Variants in TAFA1 observed in about 807,000 individuals in gnomAD.
TAFA1 encodes TAFA chemokine like family member 1.
Under a neutral mutation model 18.5 loss-of-function variants are expected in TAFA1, and 4 were observed. The ratio of observed to expected loss-of-function variants is 0.22; its 90% CI spans 0.11 to 0.49. TAFA1 has a LOEUF of 0.49. TAFA1 is among the 20% of genes least tolerant of loss of function. The pLI is 0.98. For missense variants in TAFA1, 147 were observed against 169.0 expected, an observed-to-expected ratio of 0.87 and a Z score of 0.72; for synonymous variants, 56 against 55.2, an observed-to-expected ratio of 1.01 and a Z score of -0.06.
chr3:68,415,262 C>T (rs534759319), intron 2 of TAFA1, among the ~76,000 whole-genome samples: 4 of 152,284 alleles, frequency 2.6e-5, no homozygotes, highest in Admixed American at 6.5e-5. Flanking sequence ...CCACACCAGT[C>T]CTTTGTTCCA....
chr3:68,217,036 GA>G (rs2066668511), intron 2 of TAFA1, among the ~76,000 whole-genome samples: 1 of 152,048 alleles, frequency 6.6e-6, no homozygotes, highest in Non-Finnish European at 1.5e-5. Context: ...CTTTAAGTAT[GA>G]ATTCTGCATT....
chr3:68,337,042 T>G (rs1228353348), intron 2 of TAFA1, among the ~76,000 whole-genome samples: 2 of 152,168 alleles, frequency 1.3e-5, no homozygotes, highest in Non-Finnish European at 2.9e-5. Flanking sequence ...ACAATTTAGA[T>G]TAGTTGGAGT....
At chr3:68,028,562 A>G (rs1399184550) in intron 2 of TAFA1, among the ~76,000 whole-genome samples, 1 of 152,116 alleles carries the variant, frequency 6.6e-6, no homozygotes, top group Non-Finnish European at 1.5e-5. Context: ...TCAAGGTGTC[A>G]GCAGGGCTAC....
chr3:68,028,331 A>AAAAT (rs1559708596), intron 2 of TAFA1, among the ~76,000 whole-genome samples: 2 of 152,020 alleles, frequency 1.3e-5, no homozygotes, highest in Non-Finnish European at 1.5e-5. Context: ...AAAACAAAAA[A>AAAAT]GTATATATAT....
At chr3:68,042,372 G>T (rs572619967) in intron 2 of TAFA1, among the ~76,000 whole-genome samples, 100 of 152,244 alleles carry the variant, frequency 6.6e-4, no homozygotes, top group African/African-American at 2.4e-3. Context: ...ATATATTGCT[G>T]GGCACAGTGG....
intron 2 of TAFA1, among the ~76,000 whole-genome samples, chr3:68,210,686 C>A (rs2066585950): frequency 6.6e-6 from 1 of 152,058 alleles, no homozygotes; most frequent in Non-Finnish European, 1.5e-5. Flanking sequence ...GTTGCTGCTA[C>A]TACTGATGCA....
At chr3:68,225,588 A>T (rs1392049906) in intron 2 of TAFA1, among the ~76,000 whole-genome samples, 1 of 152,110 alleles carries the variant, frequency 6.6e-6, no homozygotes, top group African/African-American at 2.4e-5. Context: ...TTTCCTGAGC[A>T]CTTACTATGT....
intron 2 of TAFA1, among the ~76,000 whole-genome samples, chr3:68,283,363 T>C (rs532784402): frequency 6.6e-6 from 1 of 152,340 alleles, no homozygotes; most frequent in South Asian, 2.1e-4. Context: ...TATGTATTAC[T>C]GTTTTGGATT....
chr3:68,531,070 A>G (rs2073182261), intron 3 of TAFA1, among the ~76,000 whole-genome samples: 1 of 146,958 alleles, frequency 6.8e-6, no homozygotes, highest in Non-Finnish European at 1.5e-5. Flanking sequence ...TTTGGTGGGG[A>G]AGCAAGCTGG....
chr3:68,299,051 G>C (rs2068259570), intron 2 of TAFA1, among the ~76,000 whole-genome samples: 1 of 152,166 alleles, frequency 6.6e-6, no homozygotes, highest in South Asian at 2.1e-4. Context: ...GAATGGTTTT[G>C]ACCAAAAATG....
intron 3 of TAFA1, among the ~76,000 whole-genome samples, chr3:68,452,091 C>G (rs1260737344): frequency 6.6e-6 from 1 of 152,060 alleles, no homozygotes; most frequent in Non-Finnish European, 1.5e-5. Flanking sequence ...GACCCAGGGT[C>G]TGAATGCTTC....
chr3:68,466,792 G>T (rs531723677), intron 3 of TAFA1, among the ~76,000 whole-genome samples: 32 of 152,272 alleles, frequency 2.1e-4, no homozygotes, highest in African/African-American at 7.7e-4. Context: ...TTCAACGTAG[G>T]TTCTTTTCTA....
intron 2 of TAFA1, among the ~76,000 whole-genome samples, chr3:68,060,545 G>A (rs886898902): frequency 6.6e-6 from 1 of 152,170 alleles, no homozygotes; most frequent in African/African-American, 2.4e-5. Context: ...GACTATTCTA[G>A]ACCAGCAAAT....
intron 2 of TAFA1, among the ~76,000 whole-genome samples, chr3:68,318,990 A>C (rs1330134335): frequency 6.6e-6 from 1 of 152,184 alleles, no homozygotes; most frequent in Non-Finnish European, 1.5e-5. Context: ...TCAGCATTTT[A>C]TTTAGAAATG....
chr3:68,512,680 TTTTGTTTGTTTGTTTG>T (rs60422556), intron 3 of TAFA1, among the ~76,000 whole-genome samples: 70 of 150,910 alleles, frequency 4.6e-4, no homozygotes, highest in Middle Eastern at 3.4e-3. Context: ...TTTGCTGGTT[TTTTGTTTGTTTGTTTG>T]TTTGTTTGTT....
intron 3 of TAFA1, among the ~76,000 whole-genome samples, chr3:68,430,274 A>T (rs2071143987): frequency 6.6e-6 from 1 of 151,992 alleles, no homozygotes; most frequent in African/African-American, 2.4e-5. Flanking sequence ...GGTGAGCAGC[A>T]TTGCAGGCAT....
intron 2 of TAFA1, among the ~76,000 whole-genome samples, chr3:68,107,764 A>C (rs1339183072): frequency 6.6e-6 from 1 of 152,116 alleles, no homozygotes. Flanking sequence ...GATTTCTGAT[A>C]CTCTGACATA....
At chr3:68,075,562 T>C (rs567593316) in intron 2 of TAFA1, among the ~76,000 whole-genome samples, 1 of 152,208 alleles carries the variant, frequency 6.6e-6, no homozygotes, top group South Asian at 2.1e-4. Flanking sequence ...GAAGCAGCAA[T>C]TAAGATGTTG....
At chr3:68,154,653 G>C (rs2065845639) in intron 2 of TAFA1, among the ~76,000 whole-genome samples, 1 of 152,168 alleles carries the variant, frequency 6.6e-6, no homozygotes, top group African/African-American at 2.4e-5. Context: ...CATCTGCTCA[G>C]TGTTCTTGCT....
Sources: gnomAD v4.1 joint callset for allele counts (sites outside exome capture counted in the v4.1 genomes callset) on GRCh38, gnomAD v4.1.1 for gene constraint, MANE v1.5 for transcripts, NCBI Gene and HGNC (gene_info 2026-07-23, HGNC 2026-07-21) for gene names.